TMEM213: variants seen among roughly 807,000 people sequenced by gnomAD.
TMEM213 encodes the protein transmembrane protein 213.
Under a neutral mutation model 11.6 loss-of-function variants are expected in TMEM213, and 7 were observed. That is an observed-to-expected ratio of 0.60 (90% CI 0.34 to 1.13). TMEM213 has a LOEUF of 1.13. Among genes scored for constraint, TMEM213 ranks in the 50% most tolerant of loss-of-function variants. TMEM213 has a pLI of 0.03. For missense variants in TMEM213, 129 were observed against 139.0 expected, an observed-to-expected ratio of 0.93 and a Z score of 0.36; for synonymous variants, 60 against 58.3, an observed-to-expected ratio of 1.03 and a Z score of -0.13.
rs1383403886 is a variant in TMEM213, at chr7:138,798,372, A to AG, written c.82+193dup. 6.1e-3 allele frequency: 632 copies of AG among 104,066 alleles called. 6 individuals carry two copies. Among genetic ancestry groups the AG allele is most frequent in the African/African-American group, 0.032 (548 of 17,392 alleles). The allele number at this position is 104,066 out of a possible 1,614,324, so 6.4% of individuals were successfully genotyped here. ...AGGGGGTGGGAGGTGGGGCTGGGGC[A>AG]GGGGGGGTCTTAGGTTGGCCTGAGA... is the stretch of plus-strand genomic sequence containing the variant. On this transcript the variant is annotated intron_variant, in intron 1 of 2. Coordinates refer to ENST00000442682, the MANE Select transcript of TMEM213 (RefSeq NM_001085429.2).
chr7:138,800,705 T>TTCTTCTTC (rs1491478661), intron 1 of TMEM213, among the ~76,000 whole-genome samples: 41 of 57,908 alleles, frequency 7.1e-4, no homozygotes, highest in African/African-American at 2.4e-3. Context: ...CTTCTTCTTC[T>TTCTTCTTC]TTTTTTTTTT....
intron 2 of TMEM213, chr7:138,801,779 T>C: frequency 4.4e-6 from 1 of 225,092 alleles, no homozygotes; most frequent in East Asian, 1.0e-4. Context: ...TTCTTCTTCT[T>C]CTATGCACGT....
intron 2 of TMEM213, 67 bp from the exon 3 acceptor site, chr7:138,802,833 A>C (rs1283086179): frequency 6.9e-7 from 1 of 1,457,192 alleles, no homozygotes; most frequent in Non-Finnish European, 9.1e-7. Context: ...TGTTAATATT[A>C]ATGGTAGAGA....
intron 2 of TMEM213, among the ~76,000 whole-genome samples, chr7:138,802,319 G>T (rs977674830): frequency 6.6e-6 from 1 of 152,196 alleles, no homozygotes; most frequent in African/African-American, 2.4e-5. Flanking sequence ...GGAGGCCCAG[G>T]TGGGTGGATC....
At chr7:138,801,086 C>T (rs1452040917) in intron 1 of TMEM213, among the ~76,000 whole-genome samples, 1 of 152,108 alleles carries the variant, frequency 6.6e-6, no homozygotes, top group Non-Finnish European at 1.5e-5. Context: ...TTCGAATGTC[C>T]CATCTCCAAA....
In TMEM213 at chr7:138,802,931, C is replaced by G. The variant is rs563964379; in HGVS notation, c.186C>G (p.Cys62Trp). Residue 62 changes from cysteine (C) to tryptophan (W), a missense_variant, in exon 3 of 3, where the codon TGC becomes TGG. Cys to Trp is a radical substitution (Grantham distance 215). Coordinates refer to ENST00000442682, the MANE Select transcript of TMEM213 (RefSeq NM_001085429.2). ...NVDFCPQAARCCRTGVDEYGW... is the reference protein window; with the variant it reads ...NVDFCPQAARWCRTGVDEYGW... The stretch of plus-strand genomic sequence containing the variant: ...ACTTCTGCCCACAAGCAGCCCGGTG[C>G]TGCCGCACAGGAGTGGACGAGTACG... The G allele has an allele frequency of 1.3e-6, 2 of 1,598,916 alleles. No individual in the cohort carries two copies. Among genetic ancestry groups the G allele is most frequent in the Admixed American group, 3.5e-5 (2 of 57,206 alleles).
At chr7:138,799,676 G>A (rs1355761273) in intron 1 of TMEM213, 2 of 152,168 alleles carry the variant, frequency 1.3e-5, no homozygotes, top group African/African-American at 4.8e-5. Context: ...GAAAGTCAGG[G>A]CCAAGGAAGT....
In TMEM213 at chr7:138,801,503, G is replaced by A. The variant is rs1808947407; in HGVS notation, c.154+105G>A. The A allele has an allele frequency of 1.0e-5, 11 of 1,062,528 alleles. No individual in the cohort carries two copies. The South Asian group carries it at 1.5e-4, about 15-fold the overall frequency. 65.8% of individuals were successfully genotyped at this position (1,062,528 alleles called of 1,614,324 possible). On this transcript the variant is annotated intron_variant, in intron 2 of 2. Transcript: ENST00000442682. ...GTTGATTGGTGTCAAGTGGGCAAGGGCCTGCCTGGCCTTCCTGTGCACCAG... is the reference window on the plus strand; with the variant it reads ...GTTGATTGGTGTCAAGTGGGCAAGGACCTGCCTGGCCTTCCTGTGCACCAG...
In TMEM213 at chr7:138,804,762, A is replaced by C. The variant is rs1359214038; in HGVS notation, c.*1693A>C. ...CCAATGGTTTGGTCACTGCTCTCTC[A>C]GCAAATTACAGTCACTGTCACTTAG... On this transcript the variant is annotated 3_prime_UTR_variant, in exon 3 of 3. Coordinates refer to ENST00000442682, the MANE Select transcript of TMEM213 (RefSeq NM_001085429.2). The C allele has an allele frequency of 6.6e-6, 1 of 152,198 alleles. No homozygotes were observed. 9.4% of individuals were successfully genotyped at this position (152,198 alleles called of 1,614,324 possible).
intron 1 of TMEM213, among the ~76,000 whole-genome samples, chr7:138,800,311 C>T (rs1461806630): frequency 6.6e-6 from 1 of 152,106 alleles, no homozygotes; most frequent in Non-Finnish European, 1.5e-5. Flanking sequence ...CCGTATTGAA[C>T]AGTATGGACT....
intron 1 of TMEM213, among the ~76,000 whole-genome samples, chr7:138,800,243 T>G (rs1005203663): frequency 1.3e-5 from 2 of 151,728 alleles, no homozygotes; most frequent in Non-Finnish European, 2.9e-5. Context: ...AGAAGCTGAG[T>G]TTTTTTTACT....
intron 1 of TMEM213, among the ~76,000 whole-genome samples, chr7:138,798,993 G>T (rs1808832106): frequency 6.6e-6 from 1 of 152,134 alleles, no homozygotes; most frequent in African/African-American, 2.4e-5. Context: ...CTCTTCTGTA[G>T]CCACTGCCAG....
chr7:138,801,251 CA>C (rs1387388423), intron 1 of TMEM213, 75 bp from the exon 2 acceptor site: 1 of 1,369,312 alleles, frequency 7.3e-7, no homozygotes, highest in Admixed American at 2.0e-5. Flanking sequence ...TACTGATTTA[CA>C]AAAAACATTT....
chr7:138,799,808 A>C (rs1286710704), intron 1 of TMEM213, among the ~76,000 whole-genome samples: 1 of 152,194 alleles, frequency 6.6e-6, no homozygotes, highest in Non-Finnish European at 1.5e-5. Context: ...CGAGGCAATT[A>C]CTATACTTTA....
chr7:138,799,142 A>T (rs184683639), intron 1 of TMEM213, among the ~76,000 whole-genome samples: 1 of 152,202 alleles, frequency 6.6e-6, no homozygotes, highest in East Asian at 1.9e-4. Context: ...CCTTTATCTC[A>T]TGGGGACAAT....
At chr7:138,802,835 T>C (rs1356673295) in intron 2 of TMEM213, 65 bp from the exon 3 acceptor site, 6 of 1,466,634 alleles carry the variant, frequency 4.1e-6, no homozygotes, top group Non-Finnish European at 4.5e-6. Flanking sequence ...TTAATATTAA[T>C]GGTAGAGAAG....
In TMEM213 at chr7:138,804,607, A is replaced by G. The variant is rs1584965554; in HGVS notation, c.*1538A>G. 6.6e-6 allele frequency: 1 copy of G among 152,330 alleles called. No individual in the cohort carries two copies. Among genetic ancestry groups the G allele is most frequent in the East Asian group, 1.9e-4 (1 of 5,188 alleles). 9.4% of individuals were successfully genotyped at this position (152,330 alleles called of 1,614,324 possible). A position where few individuals can be genotyped will look rare whatever the true frequency, so the allele number is the denominator to read the frequency against. ...ATAGTACCCTATTCAAGTTTGTCCAATGAGTGCATGGGTGAATTAATGAAT... is the reference window on the plus strand; with the variant it reads ...ATAGTACCCTATTCAAGTTTGTCCAGTGAGTGCATGGGTGAATTAATGAAT... On this transcript the variant is annotated 3_prime_UTR_variant, in exon 3 of 3. Transcript: ENST00000442682.
chr7:138,799,280 C>G (rs1808848463), intron 1 of TMEM213: 1 of 152,198 alleles, frequency 6.6e-6, no homozygotes, highest in Non-Finnish European at 1.5e-5. Context: ...CTTCACCCCT[C>G]CCCAAATAAG....
intron 1 of TMEM213, among the ~76,000 whole-genome samples, chr7:138,798,809 C>T (rs1584962159): frequency 1.3e-5 from 2 of 152,136 alleles, no homozygotes; most frequent in African/African-American, 2.4e-5. Context: ...CCTGCCAGGC[C>T]GGGTTCTGCA....
Sources: allele counts gnomAD v4.1 joint callset (sites outside exome capture counted in the v4.1 genomes callset), GRCh38; gene constraint gnomAD v4.1.1; transcripts MANE v1.5; gene names NCBI Gene and HGNC (gene_info 2026-07-23, HGNC 2026-07-21).